NETO2: variants seen among roughly 807,000 people sequenced by gnomAD.
NETO2 encodes neuropilin and tolloid like 2, also known as neuropilin and tolloid-like protein 2.
Under a neutral mutation model 62.5 loss-of-function variants are expected in NETO2, and 28 were observed. The observed-to-expected ratio is 0.45, with a 90% CI of 0.33 to 0.61. NETO2 has a LOEUF of 0.61. Ranked by LOEUF, NETO2 falls within the 20% of genes least tolerant of loss-of-function variation. NETO2 has a pLI of 0.02. For synonymous variants in NETO2, 214 were observed against 219.1 expected, an observed-to-expected ratio of 0.98 and a Z score of 0.21; for missense variants, 548 against 643.2, an observed-to-expected ratio of 0.85 and a Z score of 1.60.
chr16:47,092,049 A>C (rs1963324276), intron 7 of NETO2, among the ~76,000 whole-genome samples: 1 of 136,376 alleles, frequency 7.3e-6, no homozygotes, highest in Non-Finnish European at 1.6e-5. Context: ...TTTTGTAGAG[A>C]TGTTGTCCCA....
intron 1 of NETO2, among the ~76,000 whole-genome samples, chr16:47,142,678 T>C (rs1418018826): frequency 6.6e-6 from 1 of 152,204 alleles, no homozygotes; most frequent in Non-Finnish European, 1.5e-5. Flanking sequence ...CTGTTTTCCC[T>C]CTGGAAATTG....
intron 6 of NETO2, among the ~76,000 whole-genome samples, chr16:47,116,014 T>C (rs12934589): frequency 0.029 from 4,346 of 152,118 alleles, 80 homozygotes; most frequent in Non-Finnish European, 0.045. Context: ...TTTTCCAATC[T>C]GTATGCTTTT....
At position 47,102,246 on chromosome 16, in the gene NETO2, A is replaced by G. The variant is rs570302425; in HGVS notation, c.883+7237T>C. On this transcript the variant is annotated intron_variant, in intron 7 of 8. Transcript: ENST00000562435. ...GGCTAGCCATATGCAGAAAACTGAA[A>G]CTGGACCCCTTCCAGAAACTGGACC... 3.9e-5 allele frequency among the ~76,000 whole-genome samples: 6 copies of G among 152,310 alleles called. No homozygotes were observed. The East Asian group carries it at 1.2e-3, about 29-fold the overall frequency.
chr16:47,130,417 G>C (rs73536870), intron 2 of NETO2, among the ~76,000 whole-genome samples: 1 of 151,512 alleles, frequency 6.6e-6, no homozygotes, highest in Non-Finnish European at 1.5e-5. Flanking sequence ...AGGATCACCA[G>C]ACATTGGAGG....
chr16:47,121,235 TC>T (rs1964033188), intron 6 of NETO2, among the ~76,000 whole-genome samples: 1 of 152,216 alleles, frequency 6.6e-6, no homozygotes, highest in South Asian at 2.1e-4. Flanking sequence ...AGGAACTCCT[TC>T]CTGTGTGTTA....
chr16:47,132,738 G>T (rs1419841738), intron 1 of NETO2, among the ~76,000 whole-genome samples: 1 of 152,202 alleles, frequency 6.6e-6, no homozygotes, highest in Non-Finnish European at 1.5e-5. Flanking sequence ...ACTACTGCGT[G>T]AACTGGAGTT....
intron 6 of NETO2, among the ~76,000 whole-genome samples, chr16:47,117,340 A>G (rs1963943337): frequency 6.6e-6 from 1 of 152,128 alleles, no homozygotes; most frequent in African/African-American, 2.4e-5. Flanking sequence ...GTGTGCAGGT[A>G]TTGCTTTTTG....
intron 6 of NETO2, among the ~76,000 whole-genome samples, chr16:47,115,320 A>G (rs1030800136): frequency 2.9e-5 from 4 of 137,232 alleles, no homozygotes; most frequent in Non-Finnish European, 6.5e-5. Flanking sequence ...GATCATTTTC[A>G]TAAGAACTGA....
At chr16:47,096,472 G>C (rs1963429586) in intron 7 of NETO2, among the ~76,000 whole-genome samples, 1 of 152,154 alleles carries the variant, frequency 6.6e-6, no homozygotes, top group Non-Finnish European at 1.5e-5. Flanking sequence ...CATTACTACA[G>C]ATCTGACGTA....
chr16:47,143,658 G>T lies in NETO2; in HGVS notation c.-46C>A. On this transcript the variant is annotated 5_prime_UTR_variant, in exon 1 of 9. Coordinates refer to ENST00000562435, the MANE Select transcript of NETO2 (RefSeq NM_018092.5). ...TTCGCGAAGGGCTGAGGTAGCGGCG[G>T]CGGTGGCTCGGCGCTCACGGCTCGG... 8.2e-7 allele frequency: 1 copy of T among 1,218,632 alleles called. No individual in the cohort carries two copies. The allele number at this position is 1,218,632 out of a possible 1,614,324, so 75.5% of individuals were successfully genotyped here.
intron 1 of NETO2, among the ~76,000 whole-genome samples, chr16:47,135,391 G>A (rs918492245): frequency 4.7e-5 from 7 of 149,446 alleles, no homozygotes; most frequent in South Asian, 2.2e-4. Flanking sequence ...ATAGGAAGGC[G>A]CTAATTCTAT....
At chr16:47,085,673 C>A (rs1351079204) in intron 8 of NETO2, among the ~76,000 whole-genome samples, 1 of 152,028 alleles carries the variant, frequency 6.6e-6, no homozygotes, top group Non-Finnish European at 1.5e-5. Flanking sequence ...CGTAAGCCAC[C>A]GCGCCTGGCC....
chr16:47,083,224 G>C lies in NETO2; in HGVS notation c.1575C>G (p.Phe525Leu). Residue 525 changes from phenylalanine (F) to leucine (L), a missense_variant, in exon 9 of 9, where the codon TTC (phenylalanine) becomes TTG (leucine). Physicochemically the swap from Phe to Leu is conservative, Grantham distance 22 (BLOSUM62 0). Transcript: ENST00000562435. ...TCACATCACCATTAGCAGAAGATTA[G>C]AAGTCAATGGATATGGATGCTTGTG... is the stretch of plus-strand genomic sequence containing the variant. ...DSAQASISIDF is the reference protein window; with the variant it reads ...DSAQASISIDL The C allele has an allele frequency of 6.2e-7, 1 of 1,605,378 alleles. No individual in the cohort carries two copies. Among genetic ancestry groups the C allele is most frequent in the Non-Finnish European group, 8.5e-7 (1 of 1,174,942 alleles).
rs558366880 is a variant in NETO2 at position 47,103,612 on chromosome 16, T to C, written c.883+5871A>G. On this transcript the variant is annotated intron_variant, in intron 7 of 8. Transcript: ENST00000562435. ...AAAACCTAAAGACCAATATCCCTTA[T>C]GAATATTAATATAAAAATCCTCAAG... Among the ~76,000 whole-genome samples the C allele has an allele frequency of 2.0e-5, 3 of 152,214 alleles. 1 individual carries two copies. Among genetic ancestry groups the C allele is most frequent in the African/African-American group, 4.8e-5 (2 of 41,530 alleles).
intron 7 of NETO2, among the ~76,000 whole-genome samples, chr16:47,101,235 C>T (rs987020273): frequency 6.6e-6 from 1 of 152,016 alleles, no homozygotes; most frequent in Admixed American, 6.6e-5. Context: ...AATTCAACAC[C>T]CCTTCATGCT....
intron 6 of NETO2, among the ~76,000 whole-genome samples, chr16:47,113,101 T>C (rs1963836359): frequency 6.6e-6 from 1 of 152,242 alleles, no homozygotes; most frequent in Admixed American, 6.5e-5. Context: ...CATTTGGGTA[T>C]ACATCTAGAA....
At position 47,080,671 on chromosome 16, in the gene NETO2, T is replaced by C. The variant is rs1336345494; in HGVS notation, c.*2550A>G. 6 of 152,222 alleles carry C rather than the reference T, an allele frequency of 3.9e-5. No individual in the cohort carries two copies. The highest frequency in any genetic ancestry group is 3.9e-4 in the Admixed American group (6 of 15,284). 9.4% of individuals were successfully genotyped at this position (152,222 alleles called of 1,614,324 possible). On this transcript the variant is annotated 3_prime_UTR_variant, in exon 9 of 9. Transcript: ENST00000562435. ...TGTATAACATGTGACAGGCTAAGGC[T>C]GGCTTAGCTATTGATCATCTGGTTC...
chr16:47,130,146 G>A (rs1321196758), intron 2 of NETO2, among the ~76,000 whole-genome samples: 1 of 152,232 alleles, frequency 6.6e-6, no homozygotes, highest in African/African-American at 2.4e-5. Context: ...AGGGAGACGA[G>A]TGAATGTTAG....
intron 1 of NETO2, among the ~76,000 whole-genome samples, chr16:47,140,938 A>G (rs1964450333): frequency 6.6e-6 from 1 of 152,220 alleles, no homozygotes; most frequent in African/African-American, 2.4e-5. Flanking sequence ...CAAAAAATGG[A>G]TTTATAATCC....
Sources: allele counts gnomAD v4.1 joint callset (sites outside exome capture counted in the v4.1 genomes callset), GRCh38; gene constraint gnomAD v4.1.1; transcripts MANE v1.5; gene names NCBI Gene and HGNC (gene_info 2026-07-23, HGNC 2026-07-21).